The following EIF4G3 variants were observed in gnomAD, a reference collection of about 807,000 sequenced individuals.
EIF4G3 encodes eIF-4-gamma 3.
A neutral mutation model predicts 186.4 loss-of-function variants in EIF4G3; 34 were observed. The observed-to-expected ratio is 0.18, with a 90% confidence interval of 0.14 to 0.24. The LOEUF (loss-of-function observed/expected upper bound fraction) is 0.24. Among genes scored for constraint, EIF4G3 ranks in the 10% least tolerant of loss-of-function variants. EIF4G3 has a pLI of 1.00. For synonymous variants in EIF4G3, 673 were observed against 679.5 expected (o/e 0.99, Z 0.15); for missense variants, 1,536 against 1,948.5 (o/e 0.79, Z 3.99).
intron 3 of EIF4G3, among the ~76,000 whole-genome samples, chr1:21,053,681 C>T (rs28564968): frequency 1.4e-4 from 19 of 133,314 alleles, no homozygotes; most frequent in African/African-American, 3.3e-4. Flanking sequence ...AAGTGAGGAG[C>T]CCCTCTGCCC....
rs537313887 is a variant in EIF4G3, at chr1:21,173,436, C to T, written c.-272+2739G>A. Among the ~76,000 whole-genome samples, 108 of 152,236 alleles carry T rather than the reference C, an allele frequency of 7.1e-4. 1 individual carries two copies. Among genetic ancestry groups the T allele is most frequent in the African/African-American group, 2.2e-3 (93 of 41,558 alleles). Reference sequence around the variant, plus strand: ...TGCGGTGGCTCAATGCCTGTAATCCCAGCACTTTGGGAGGCTGAGGCAGGC... The same window carrying T: ...TGCGGTGGCTCAATGCCTGTAATCCTAGCACTTTGGGAGGCTGAGGCAGGC... On this transcript the variant is annotated intron_variant, in intron 2 of 36. Transcript: ENST00000602326.
intron 3 of EIF4G3, among the ~76,000 whole-genome samples, chr1:21,088,550 A>C (rs1187114970): frequency 6.6e-6 from 1 of 152,232 alleles, no homozygotes; most frequent in African/African-American, 2.4e-5. Context: ...ATTTTTAAGA[A>C]AAAAAATCCA....
At chr1:20,911,412 A>T (rs2093177759) in intron 14 of EIF4G3, among the ~76,000 whole-genome samples, 1 of 151,844 alleles carries the variant, frequency 6.6e-6, no homozygotes, top group African/African-American at 2.4e-5. Flanking sequence ...AAAATTAAAA[A>T]ATTAGCCAGG....
intron 7 of EIF4G3, among the ~76,000 whole-genome samples, chr1:20,993,295 C>T (rs1460162109): frequency 6.6e-6 from 1 of 152,154 alleles, no homozygotes; most frequent in East Asian, 1.9e-4. Flanking sequence ...CCAAGGAATA[C>T]ACTCAAAGCA....
intron 2 of EIF4G3, among the ~76,000 whole-genome samples, chr1:21,129,088 G>A (rs1205426674): frequency 5.9e-5 from 9 of 151,800 alleles, no homozygotes; most frequent in South Asian, 2.1e-4. Flanking sequence ...GCCGAGGCGG[G>A]TGGATCACAA....
intron 12 of EIF4G3, among the ~76,000 whole-genome samples, chr1:20,953,636 G>A (rs1363405265): frequency 6.6e-6 from 1 of 151,818 alleles, no homozygotes; most frequent in Non-Finnish European, 1.5e-5. Context: ...ACATTGTTTT[G>A]CACAAAAAAG....
chr1:20,832,123 C>T (rs1033796616), intron 30 of EIF4G3, among the ~76,000 whole-genome samples: 19 of 147,974 alleles, frequency 1.3e-4, no homozygotes, highest in South Asian at 4.4e-4. Context: ...GGTATATACC[C>T]AGTAATGGGA....
intron 12 of EIF4G3, among the ~76,000 whole-genome samples, chr1:20,966,482 T>TC (rs1258700695): frequency 6.6e-6 from 1 of 151,976 alleles, no homozygotes; most frequent in African/African-American, 2.4e-5. Context: ...AACATTTTTT[T>TC]TTTTTTTTTG....
intron 14 of EIF4G3, among the ~76,000 whole-genome samples, chr1:20,940,189 A>C (rs2095664275): frequency 6.6e-6 from 1 of 152,140 alleles, no homozygotes; most frequent in African/African-American, 2.4e-5. Context: ...AACTGACAAA[A>C]CAAGGTCTAA....
chr1:20,884,149 C>T (rs915511659), intron 19 of EIF4G3, among the ~76,000 whole-genome samples: 1 of 152,166 alleles, frequency 6.6e-6, no homozygotes, highest in African/African-American at 2.4e-5. Context: ...GAAGGTTGTA[C>T]TGGCTCTGTA....
intron 27 of EIF4G3, among the ~76,000 whole-genome samples, chr1:20,851,979 C>T (rs942053449): frequency 6.6e-6 from 1 of 152,180 alleles, no homozygotes; most frequent in Non-Finnish European, 1.5e-5. Context: ...GATTGCGCCA[C>T]TGCACTCTAG....
At chr1:21,162,506 G>A (rs1202737656) in intron 2 of EIF4G3, among the ~76,000 whole-genome samples, 2 of 151,058 alleles carry the variant, frequency 1.3e-5, no homozygotes, top group Non-Finnish European at 2.9e-5. Context: ...CAGCACTTTG[G>A]GAGGCCGAGG....
At chr1:20,963,790 A>C (rs545261356) in intron 12 of EIF4G3, among the ~76,000 whole-genome samples, 18 of 152,196 alleles carry the variant, frequency 1.2e-4, no homozygotes, top group Admixed American at 7.8e-4. Flanking sequence ...CCCTGTCTCT[A>C]CTAAAAATAC....
Position 21,176,263 on chromosome 1 carries a change from CCG to C in EIF4G3, c.-362_-361del, listed in dbSNP as rs2103130169. Reference sequence around the variant, plus strand: ...GCCGCCGCCGCCGCCGCCGCCGCCGCCGCTGCTGCCGCCGCCGGGTGAGGAGG... The same window carrying C: ...GCCGCCGCCGCCGCCGCCGCCGCCGCCTGCTGCCGCCGCCGGGTGAGGAGG... On this transcript the variant is annotated 5_prime_UTR_variant, in exon 2 of 37. Coordinates refer to ENST00000602326, the MANE Select transcript of EIF4G3 (RefSeq NM_001391906.1). 1 of 370,912 alleles carries C rather than the reference CCG, an allele frequency of 2.7e-6. No individual in the cohort carries two copies. Among genetic ancestry groups the C allele is most frequent in the African/African-American group, 2.2e-5 (1 of 45,550 alleles). The allele number at this position is 370,912 out of a possible 1,614,324, so 23.0% of individuals were successfully genotyped here. A position where few individuals can be genotyped will look rare whatever the true frequency, so the allele number is the denominator to read the frequency against.
At position 20,857,573 on chromosome 1, in the gene EIF4G3, A is replaced by G. The variant is rs909546699; in HGVS notation, c.3245-76T>C. 4.3e-6 allele frequency: 5 copies of G among 1,173,260 alleles called. No homozygotes were observed. In the African/African-American group the frequency reaches 7.5e-5, roughly 18 times the overall value. The allele number at this position is 1,173,260 out of a possible 1,614,324, so 72.7% of individuals were successfully genotyped here. On this transcript the variant is annotated intron_variant, in intron 24 of 36. Coordinates refer to ENST00000602326, the MANE Select transcript of EIF4G3 (RefSeq NM_001391906.1). ...CATTGAAAGAGTGAGCAATATTTTC[A>G]TCAAAACCAAGGAGAAAGACAACAG...
chr1:20,987,530 T>C (rs2079856525), intron 7 of EIF4G3, among the ~76,000 whole-genome samples: 1 of 152,230 alleles, frequency 6.6e-6, no homozygotes, highest in Non-Finnish European at 1.5e-5. Flanking sequence ...TCTCCCAATA[T>C]TTCAATTTTT....
chr1:20,933,338 CA>C (rs2095401526), intron 14 of EIF4G3, among the ~76,000 whole-genome samples: 2 of 152,048 alleles, frequency 1.3e-5, no homozygotes, highest in Admixed American at 6.6e-5. Context: ...GAGGAGGGAA[CA>C]AATGTCACAA....
At chr1:20,946,743 A>G (rs533568861) in intron 13 of EIF4G3, among the ~76,000 whole-genome samples, 1 of 152,230 alleles carries the variant, frequency 6.6e-6, no homozygotes, top group African/African-American at 2.4e-5. Flanking sequence ...CACAGGCCCA[A>G]AGTCATATAA....
chr1:20,817,773 C>T (rs1255120820), intron 33 of EIF4G3, among the ~76,000 whole-genome samples: 1 of 146,274 alleles, frequency 6.8e-6, no homozygotes, highest in East Asian at 2.2e-4. Context: ...ATCACGGGCT[C>T]AAGCAATCCT....
Sources: allele counts gnomAD v4.1 joint callset (sites outside exome capture counted in the v4.1 genomes callset), GRCh38; gene constraint gnomAD v4.1.1; transcripts MANE v1.5; gene names NCBI Gene and HGNC (gene_info 2026-07-23, HGNC 2026-07-21).